Variants in CABCOCO1 observed in about 807,000 individuals in gnomAD.
CABCOCO1 encodes ciliary associated calcium binding coiled-coil 1.
A neutral mutation model predicts 35.7 loss-of-function variants in CABCOCO1; 28 were observed. The ratio of observed to expected loss-of-function variants is 0.78; its 90% CI spans 0.58 to 1.07. The LOEUF is 1.07. Ranked by LOEUF, CABCOCO1 falls within the 50% of genes least tolerant of loss-of-function variation. The pLI, the probability that CABCOCO1 is intolerant of heterozygous loss-of-function variation, is 0.00. For synonymous variants in CABCOCO1, 95 were observed against 100.1 expected (o/e 0.95, Z 0.30); for missense variants, 326 against 309.2 (o/e 1.05, Z -0.41).
intron 5 of CABCOCO1, among the ~76,000 whole-genome samples, chr10:61,739,650 G>T (rs2132065563): frequency 6.6e-6 from 1 of 151,996 alleles, no homozygotes; most frequent in African/African-American, 2.4e-5. Flanking sequence ...GGAAAGGAAT[G>T]GACTTATGTA....
At chr10:61,758,339 G>A (rs115450213) in intron 5 of CABCOCO1, among the ~76,000 whole-genome samples, 1,962 of 152,108 alleles carry the variant, frequency 0.013, 49 homozygotes, top group African/African-American at 0.045. Context: ...GTAAAATAAA[G>A]AGCAATAGAA....
intron 2 of CABCOCO1, among the ~76,000 whole-genome samples, chr10:61,680,666 T>C (rs1589116787): frequency 1.5e-5 from 1 of 68,178 alleles, no homozygotes; most frequent in African/African-American, 4.4e-5. Flanking sequence ...GTTATACATG[T>C]ATAACATATA....
intron 5 of CABCOCO1, among the ~76,000 whole-genome samples, chr10:61,758,504 T>C (rs1353446121): frequency 6.6e-6 from 1 of 152,160 alleles, no homozygotes; most frequent in African/African-American, 2.4e-5. Flanking sequence ...CTCAATATTC[T>C]ATTTTGATTA....
chr10:61,672,236 A>G (rs1435016286), intron 1 of CABCOCO1, among the ~76,000 whole-genome samples: 2 of 152,116 alleles, frequency 1.3e-5, no homozygotes, highest in East Asian at 3.8e-4. Context: ...ATTATGGCTT[A>G]CTTGTGTTCT....
At chr10:61,671,696 T>C (rs561452506) in intron 1 of CABCOCO1, among the ~76,000 whole-genome samples, 6 of 152,248 alleles carry the variant, frequency 3.9e-5, no homozygotes, top group South Asian at 4.1e-4. Flanking sequence ...GCTTCATCCC[T>C]GCACTGTTTA....
chr10:61,707,718 G>C (rs1012799873), intron 5 of CABCOCO1, among the ~76,000 whole-genome samples: 1 of 152,074 alleles, frequency 6.6e-6, no homozygotes. Context: ...GTATTAGTGA[G>C]AAAAACGTGT....
intron 5 of CABCOCO1, among the ~76,000 whole-genome samples, chr10:61,699,771 T>C (rs1315885349): frequency 6.6e-6 from 1 of 152,132 alleles, no homozygotes; most frequent in Non-Finnish European, 1.5e-5. Context: ...GCATCCACTC[T>C]CCTAGAAATT....
At chr10:61,763,908 C>T (rs997490523) in intron 7 of CABCOCO1, among the ~76,000 whole-genome samples, 4 of 151,928 alleles carry the variant, frequency 2.6e-5, no homozygotes, top group Non-Finnish European at 4.4e-5. Context: ...ATTGACTAGA[C>T]GTGGAGCCTT....
intron 5 of CABCOCO1, among the ~76,000 whole-genome samples, chr10:61,692,602 G>A (rs1409576358): frequency 6.6e-6 from 1 of 152,006 alleles, no homozygotes; most frequent in Non-Finnish European, 1.5e-5. Context: ...CTGACTTCCT[G>A]GGTATTGTTA....
chr10:61,704,241 GC>G (rs1589131906), intron 5 of CABCOCO1, among the ~76,000 whole-genome samples: 1 of 152,102 alleles, frequency 6.6e-6, no homozygotes, highest in East Asian at 1.9e-4. Context: ...ATATATATAT[GC>G]CCAAATTCTT....
At chr10:61,696,848 A>T (rs1840309390) in intron 5 of CABCOCO1, among the ~76,000 whole-genome samples, 1 of 152,096 alleles carries the variant, frequency 6.6e-6, no homozygotes, top group African/African-American at 2.4e-5. Flanking sequence ...ATAAAATAAG[A>T]AAAAGGCAAA....
chr10:61,705,709 A>T (rs914494056), intron 5 of CABCOCO1, among the ~76,000 whole-genome samples: 3 of 152,236 alleles, frequency 2.0e-5, no homozygotes, highest in Non-Finnish European at 2.9e-5. Flanking sequence ...TAGGCATAAC[A>T]TGTTAACTAG....
At chr10:61,721,665 C>A (rs1391146498) in intron 5 of CABCOCO1, among the ~76,000 whole-genome samples, 2 of 152,068 alleles carry the variant, frequency 1.3e-5, no homozygotes, top group Non-Finnish European at 2.9e-5. Flanking sequence ...GCAATAAAAC[C>A]CTGACTTCTC....
chr10:61,744,329 A>G (rs1841610986), intron 5 of CABCOCO1, among the ~76,000 whole-genome samples: 1 of 152,168 alleles, frequency 6.6e-6, no homozygotes, highest in Admixed American at 6.6e-5. Flanking sequence ...ACCTTAATTT[A>G]TATTTCTATC....
intron 5 of CABCOCO1, among the ~76,000 whole-genome samples, chr10:61,727,867 T>C (rs1841196650): frequency 6.6e-6 from 1 of 152,222 alleles, no homozygotes; most frequent in South Asian, 2.1e-4. Context: ...ACTTTTCTCC[T>C]GTTCCACATT....
At chr10:61,709,167 C>T (rs934323365) in intron 5 of CABCOCO1, among the ~76,000 whole-genome samples, 8 of 152,110 alleles carry the variant, frequency 5.3e-5, no homozygotes, top group Admixed American at 4.6e-4. Context: ...AAGAGAGATA[C>T]GTAGTTGATT....
chr10:61,692,117 A>G (rs1308312142), intron 5 of CABCOCO1, among the ~76,000 whole-genome samples: 1 of 152,182 alleles, frequency 6.6e-6, no homozygotes, highest in Non-Finnish European at 1.5e-5. Context: ...CCAACACTGT[A>G]AAAGCGTTCC....
At chr10:61,726,381 T>C (rs1413918683) in intron 5 of CABCOCO1, among the ~76,000 whole-genome samples, 1 of 152,052 alleles carries the variant, frequency 6.6e-6, no homozygotes, top group Non-Finnish European at 1.5e-5. Flanking sequence ...TATCATACTA[T>C]CTTATTTATT....
chr10:61,732,753 C>G (rs1056742518), intron 5 of CABCOCO1, among the ~76,000 whole-genome samples: 2 of 152,022 alleles, frequency 1.3e-5, no homozygotes, highest in Non-Finnish European at 2.9e-5. Flanking sequence ...TAAGGCAAGG[C>G]TCACAAAGAC....
Sources: gnomAD v4.1 joint callset for allele counts (sites outside exome capture counted in the v4.1 genomes callset) on GRCh38, gnomAD v4.1.1 for gene constraint, MANE v1.5 for transcripts, NCBI Gene and HGNC (gene_info 2026-07-23, HGNC 2026-07-21) for gene names.